The following ARHGAP31 variants were observed in gnomAD, a reference collection of about 807,000 sequenced individuals.
ARHGAP31 encodes the protein rho GTPase-activating protein 31.
In ARHGAP31, 34 loss-of-function variants were observed where a neutral mutation model predicts 113.9. The ratio of observed to expected loss-of-function variants is 0.30; its 90% CI spans 0.23 to 0.40. The LOEUF (loss-of-function observed/expected upper bound fraction) is 0.40, where lower values mean the gene tolerates loss of function less well. Among genes scored for constraint, ARHGAP31 ranks in the 10% least tolerant of loss-of-function variants. The probability of loss-of-function intolerance (pLI) is 1.00; values close to 1 mark genes in which losing one functional copy is unlikely to be tolerated. For missense variants in ARHGAP31, 1,548 were observed against 1,767.1 expected, an observed-to-expected ratio of 0.88 and a Z score of 2.22; for synonymous variants, 650 against 684.8, an observed-to-expected ratio of 0.95 and a Z score of 0.79.
intron 3 of ARHGAP31, among the ~76,000 whole-genome samples, chr3:119,370,509 C>T (rs2080289243): frequency 6.6e-6 from 1 of 152,186 alleles, no homozygotes; most frequent in African/African-American, 2.4e-5. Flanking sequence ...AAATTCCACA[C>T]TCCAGGCATA....
chr3:119,321,850 G>A (rs982218159), intron 1 of ARHGAP31, among the ~76,000 whole-genome samples: 8 of 152,044 alleles, frequency 5.3e-5, no homozygotes, highest in South Asian at 2.1e-4. Context: ...ACGGGGTTTC[G>A]CCATGTTGGC....
In ARHGAP31 at chr3:119,380,977, C is replaced by T. The variant is rs1193504359; in HGVS notation, c.422C>T (p.Ser141Phe). 2 of 1,613,882 alleles carry T rather than the reference C, an allele frequency of 1.2e-6. No individual in the cohort carries two copies. The highest frequency in any genetic ancestry group is 2.2e-5 in the South Asian group (2 of 91,078). Residue 141 changes from serine (S) to phenylalanine (F), a missense_variant, in exon 4 of 12, where the codon TCC (serine) becomes TTC (phenylalanine). Physicochemically the swap from Ser to Phe is radical, Grantham distance 155. Transcript: ENST00000264245. ...AATGTTATCCAGGAGCTTCCTCCATCCCACTATAGGTAAGAATGGTTGGGA... is the reference window on the plus strand; with the variant it reads ...AATGTTATCCAGGAGCTTCCTCCATTCCACTATAGGTAAGAATGGTTGGGA... The part of the protein sequence containing the change: ...IQNVIQELPP[S>F]HYRTLEYLIR...
intron 1 of ARHGAP31, among the ~76,000 whole-genome samples, chr3:119,363,563 A>G (rs760150426): frequency 6.6e-6 from 1 of 152,204 alleles, no homozygotes; most frequent in Non-Finnish European, 1.5e-5. Context: ...AGGCAGCAGA[A>G]TAAGTATGGT....
At chr3:119,378,166 G>A (rs1016846781) in intron 3 of ARHGAP31, among the ~76,000 whole-genome samples, 5 of 152,146 alleles carry the variant, frequency 3.3e-5, no homozygotes, top group Admixed American at 6.6e-5. Context: ...GGCTAATGCT[G>A]AGTGAAATTC....
chr3:119,328,274 A>G (rs2079862872), intron 1 of ARHGAP31, among the ~76,000 whole-genome samples: 1 of 152,154 alleles, frequency 6.6e-6, no homozygotes, highest in Non-Finnish European at 1.5e-5. Context: ...CTAAGAAGAC[A>G]GTTCTGATGG....
At chr3:119,323,252 GAGCCCAGAAGCGGGGAA>G (rs946980711) in intron 1 of ARHGAP31, among the ~76,000 whole-genome samples, 9 of 152,096 alleles carry the variant, frequency 5.9e-5, no homozygotes, top group South Asian at 2.1e-4. Flanking sequence ...CGCGGCCACC[GAGCCCAGAAGCGGGGAA>G]AGCCCAGAAG....
At chr3:119,383,631 G>A (rs1379787147) in intron 6 of ARHGAP31, among the ~76,000 whole-genome samples, 1 of 152,152 alleles carries the variant, frequency 6.6e-6, no homozygotes, top group Non-Finnish European at 1.5e-5. Context: ...AGACCCTTAT[G>A]CCTTCACTTT....
intron 1 of ARHGAP31, among the ~76,000 whole-genome samples, chr3:119,343,563 T>C (rs2080029150): frequency 6.6e-6 from 1 of 152,128 alleles, no homozygotes; most frequent in East Asian, 1.9e-4. Flanking sequence ...AGAAGAGTGC[T>C]CCAAAGGTAC....
At chr3:119,390,457 ATTG>A (rs1308989909) in intron 6 of ARHGAP31, among the ~76,000 whole-genome samples, 1 of 106,676 alleles carries the variant, frequency 9.4e-6, no homozygotes, top group African/African-American at 3.7e-5. Flanking sequence ...GTAAAGACTC[ATTG>A]TTGTCACTCT....
chr3:119,364,291 C>A (rs1217789351), intron 1 of ARHGAP31, among the ~76,000 whole-genome samples: 1 of 151,932 alleles, frequency 6.6e-6, no homozygotes, highest in Non-Finnish European at 1.5e-5. Context: ...TCACTTTAAC[C>A]TTTAAATCAC....
At position 119,383,403 on chromosome 3, in the gene ARHGAP31, G is replaced by A. The variant is rs2077599; in HGVS notation, c.682+177G>A. On this transcript the variant is annotated intron_variant, in intron 6 of 11. Coordinates refer to ENST00000264245, the MANE Select transcript of ARHGAP31 (RefSeq NM_020754.4). ...GTGCATATATACATCTGTAAATGTG[G>A]AGTGAAGCTATGGTGTGTTTGCATG... 0.27 allele frequency among the ~76,000 whole-genome samples: 41,419 copies of A among 152,072 alleles called. 5,754 individuals carry two copies. Among genetic ancestry groups the A allele is most frequent in the East Asian group, 0.34 (1,767 of 5,182 alleles).
chr3:119,370,945 C>A (rs2080292358), intron 3 of ARHGAP31, among the ~76,000 whole-genome samples: 1 of 152,146 alleles, frequency 6.6e-6, no homozygotes, highest in South Asian at 2.1e-4. Flanking sequence ...TCCAGAAAGA[C>A]AAGGAATGCT....
chr3:119,393,897 T>G (rs1474451824), intron 8 of ARHGAP31, among the ~76,000 whole-genome samples: 1 of 152,250 alleles, frequency 6.6e-6, no homozygotes, highest in Non-Finnish European at 1.5e-5. Flanking sequence ...TATTCACATT[T>G]GGCCAGCTGT....
At chr3:119,388,927 C>T (rs9865084) in intron 6 of ARHGAP31, among the ~76,000 whole-genome samples, 24,283 of 152,052 alleles carry the variant, frequency 0.16, 2,036 homozygotes, top group East Asian at 0.31. Context: ...GAGGCTGAGG[C>T]GGGCAAACCA....
intron 1 of ARHGAP31, among the ~76,000 whole-genome samples, chr3:119,321,335 T>C (rs538864445): frequency 1.3e-3 from 192 of 147,630 alleles, no homozygotes; most frequent in African/African-American, 4.4e-3. Flanking sequence ...TTATATACTA[T>C]ATATGTAAAA....
chr3:119,365,474 G>T, intron 2 of ARHGAP31, 56 bp downstream of exon 2: 2 of 1,470,314 alleles, frequency 1.4e-6, no homozygotes, highest in Non-Finnish European at 9.5e-7. Flanking sequence ...CTGTGTCCAT[G>T]CCTCTGTCCA....
intron 2 of ARHGAP31, among the ~76,000 whole-genome samples, chr3:119,366,074 TG>T (rs1393015674): frequency 6.6e-5 from 10 of 152,102 alleles, no homozygotes; most frequent in African/African-American, 2.4e-4. Context: ...CACAGGTACG[TG>T]TGTGTTTTAT....
At chr3:119,373,630 A>G (rs2080322254) in intron 3 of ARHGAP31, among the ~76,000 whole-genome samples, 1 of 152,020 alleles carries the variant, frequency 6.6e-6, no homozygotes, top group Non-Finnish European at 1.5e-5. Context: ...TGCCCAGCTA[A>G]TTTTTGTATT....
intron 1 of ARHGAP31, among the ~76,000 whole-genome samples, chr3:119,358,789 G>A (rs1664837540): frequency 6.6e-6 from 1 of 152,082 alleles, no homozygotes; most frequent in East Asian, 1.9e-4. Flanking sequence ...TCCAAAACGG[G>A]CAAACCCATA....
Sources: gnomAD v4.1 joint callset for allele counts (sites outside exome capture counted in the v4.1 genomes callset) on GRCh38, gnomAD v4.1.1 for gene constraint, MANE v1.5 for transcripts, NCBI Gene and HGNC (gene_info 2026-07-23, HGNC 2026-07-21) for gene names.